The following ZNF91 variants were observed in gnomAD, a reference collection of about 807,000 sequenced individuals.
ZNF91 encodes zinc finger protein 91.
In ZNF91, 7 loss-of-function variants were observed where a neutral mutation model predicts 12.6. The ratio of observed to expected loss-of-function variants is 0.55; its 90% CI spans 0.31 to 1.04. The LOEUF (loss-of-function observed/expected upper bound fraction) is 1.04, where lower values mean the gene tolerates loss of function less well. ZNF91 is among the 50% of genes least tolerant of loss of function. ZNF91 has a pLI of 0.05. For synonymous variants in ZNF91, 453 were observed against 462.6 expected (o/e 0.98, Z 0.27); for missense variants, 1,217 against 1,385.4 (o/e 0.88, Z 1.93).
At chr19:23,377,708 A>G (rs2145108022) in intron 1 of ZNF91, among the ~76,000 whole-genome samples, 1 of 152,324 alleles carries the variant, frequency 6.6e-6, no homozygotes, top group South Asian at 2.1e-4. Flanking sequence ...CTGGCTCTTT[A>G]AAGTTCACAA....
chr19:23,343,175 A>G (rs902986293), intron 3 of ZNF91, among the ~76,000 whole-genome samples: 1 of 152,192 alleles, frequency 6.6e-6, no homozygotes, highest in Non-Finnish European at 1.5e-5. Context: ...CATTATACAC[A>G]GTAAGTTCTG....
downstream of ZNF91, among the ~76,000 whole-genome samples, chr19:23,353,036 C>T (rs888074478): frequency 1.3e-5 from 2 of 152,190 alleles, no homozygotes; most frequent in African/African-American, 4.8e-5. Flanking sequence ...CCACTGACAG[C>T]ACTAGACAGG....
rs554748573 is a variant in ZNF91 at position 23,359,465 on chromosome 19, C to T, written c.3514G>A (p.Gly1172Arg). The T allele has an allele frequency of 2.2e-5, 34 of 1,575,382 alleles. No individual in the cohort carries two copies. The highest frequency in any genetic ancestry group is 1.5e-4 in the African/African-American group (11 of 74,026). Reference protein sequence around the residue: ...IPLLWEAEAGGSRGQEMETIL... With the variant: ...IPLLWEAEAGRSRGQEMETIL... Reference sequence around the variant, plus strand: ...GTCTCCATCTCCTGACCTCGTGATCCGCCCGCCTCGGCCTCCCAAAGTAGT... The same window carrying T: ...GTCTCCATCTCCTGACCTCGTGATCTGCCCGCCTCGGCCTCCCAAAGTAGT... Residue 1172 changes from glycine (G) to arginine (R), a missense_variant, in exon 4 of 4, where the codon GGA becomes AGA. Gly to Arg is a moderately radical substitution (Grantham distance 125). Around this residue, in one of 2 missense-constraint regions of ZNF91, gnomAD observed 491 missense variants for 489.8 expected, o/e 1.00. Coordinates refer to ENST00000300619, the MANE Select transcript of ZNF91 (RefSeq NM_003430.4).
intron 1 of ZNF91, among the ~76,000 whole-genome samples, chr19:23,329,293 T>C (rs148803213): frequency 6.6e-6 from 1 of 152,312 alleles, no homozygotes; most frequent in East Asian, 1.9e-4. Context: ...ATAGGATTCA[T>C]GAGAAGAGAC....
At chr19:23,339,804 T>A (rs1258330080) in intron 3 of ZNF91, 2 of 151,554 alleles carry the variant, frequency 1.3e-5, no homozygotes, top group Non-Finnish European at 2.9e-5. Flanking sequence ...AATAGCTAGG[T>A]GTGGTGGTGT....
intron 1 of ZNF91, among the ~76,000 whole-genome samples, chr19:23,316,425 T>C (rs295351): frequency 0.1 from 15,808 of 152,220 alleles, 1,267 homozygotes; most frequent in East Asian, 0.37. Context: ...ACAGAAAGCA[T>C]TTTGACATAT....
intron 1 of ZNF91, among the ~76,000 whole-genome samples, chr19:23,382,799 G>A (rs544418465): frequency 1.5e-4 from 23 of 151,954 alleles, no homozygotes; most frequent in Non-Finnish European, 2.9e-4. Flanking sequence ...TTCCAAGAAT[G>A]AACAAAAAAG....
At chr19:23,374,809 G>A in intron 1 of ZNF91, 45 bp from the exon 2 acceptor site, 1 of 1,592,814 alleles carries the variant, frequency 6.3e-7, no homozygotes, top group African/African-American at 1.3e-5. Flanking sequence ...GTGGCTATGG[G>A]CAGAATTTTT....
In ZNF91 at chr19:23,359,082, C is replaced by T. The variant is rs570613243; in HGVS notation, c.*321G>A. The T allele has an allele frequency of 3.6e-6, 2 of 554,260 alleles. No individual in the cohort carries two copies. Among genetic ancestry groups the T allele is most frequent in the Non-Finnish European group, 6.9e-6 (2 of 289,284 alleles). 34.3% of individuals were successfully genotyped at this position (554,260 alleles called of 1,614,324 possible). A position where few individuals can be genotyped will look rare whatever the true frequency, so the allele number is the denominator to read the frequency against. On this transcript the variant is annotated 3_prime_UTR_variant, in exon 4 of 4. Coordinates refer to ENST00000300619, the MANE Select transcript of ZNF91 (RefSeq NM_003430.4). The stretch of plus-strand genomic sequence containing the variant: ...TCTTATGTCTGGTTAGGGCTGAGGA[C>T]CAGAAAAAGGATTTGCCACATTCTT...
chr19:23,344,942 G>C (rs540744043), intron 3 of ZNF91, among the ~76,000 whole-genome samples: 2 of 152,316 alleles, frequency 1.3e-5, no homozygotes, highest in East Asian at 3.9e-4. Flanking sequence ...GCCTCCAGTC[G>C]CCTGTCTGTG....
At chr19:23,363,359 G>C (rs1241974945) in intron 3 of ZNF91, among the ~76,000 whole-genome samples, 1 of 152,182 alleles carries the variant, frequency 6.6e-6, no homozygotes, top group Admixed American at 6.5e-5. Context: ...GTTTGAGTCT[G>C]CTGAGACCAA....
At chr19:23,368,376 G>A (rs1346564981) in intron 3 of ZNF91, among the ~76,000 whole-genome samples, 2 of 124,100 alleles carry the variant, frequency 1.6e-5, no homozygotes, top group Admixed American at 8.2e-5. Flanking sequence ...TTAGCCAGGC[G>A]GGGCGGCACG....
At chr19:23,331,391 T>C (rs965111460) in intron 1 of ZNF91, among the ~76,000 whole-genome samples, 7 of 152,242 alleles carry the variant, frequency 4.6e-5, no homozygotes, top group African/African-American at 1.7e-4. Flanking sequence ...ATACAGGCCA[T>C]GCGATGTGTC....
At chr19:23,373,628 T>C in intron 3 of ZNF91, 114 bp downstream of exon 3, 1 of 777,270 alleles carries the variant, frequency 1.3e-6, no homozygotes, top group Non-Finnish European at 2.1e-6. Context: ...AAATTCAGGC[T>C]TCCCAGAAAC....
intron 1 of ZNF91, among the ~76,000 whole-genome samples, chr19:23,379,658 T>C (rs993250287): frequency 6.6e-6 from 1 of 152,214 alleles, no homozygotes; most frequent in African/African-American, 2.4e-5. Flanking sequence ...TTTTCACATC[T>C]TCATGGCAGA....
At chr19:23,326,599 T>C (rs373701347) in intron 1 of ZNF91, 1 of 152,172 alleles carries the variant, frequency 6.6e-6, no homozygotes, top group African/African-American at 2.4e-5. Flanking sequence ...AATGCTGGGA[T>C]TACAGGCATA....
At chr19:23,375,293 G>A (rs1176966623) in intron 1 of ZNF91, among the ~76,000 whole-genome samples, 1 of 152,058 alleles carries the variant, frequency 6.6e-6, no homozygotes, top group African/African-American at 2.4e-5. Flanking sequence ...CCGAGTAGCA[G>A]GGACTACAGG....
chr19:23,382,127 T>TA (rs1340836653), intron 1 of ZNF91, among the ~76,000 whole-genome samples: 2 of 151,544 alleles, frequency 1.3e-5, no homozygotes, highest in Non-Finnish European at 2.9e-5. Flanking sequence ...AAAAGGGAGA[T>TA]AAAATATATA....
chr19:23,373,535 T>C (rs577416279), intron 3 of ZNF91, among the ~76,000 whole-genome samples: 79 of 152,086 alleles, frequency 5.2e-4, no homozygotes, highest in Non-Finnish European at 9.6e-4. Flanking sequence ...CACTGTAAAC[T>C]TGAAGAAAGA....
Sources: gnomAD v4.1 joint callset for allele counts (sites outside exome capture counted in the v4.1 genomes callset) on GRCh38, gnomAD v4.1.1 for gene constraint, gnomAD v4.1.1 regional missense constraint, MANE v1.5 for transcripts, NCBI Gene and HGNC (gene_info 2026-07-23, HGNC 2026-07-21) for gene names.